The following NOVA1 variants were observed in gnomAD, a reference collection of about 807,000 sequenced individuals.
NOVA1 encodes the protein NOVA alternative splicing regulator 1.
Under a neutral mutation model 38.0 loss-of-function variants are expected in NOVA1, and 7 were observed. The ratio of observed to expected loss-of-function variants is 0.18; its 90% CI spans 0.10 to 0.35. The LOEUF (loss-of-function observed/expected upper bound fraction) is 0.35, where lower values mean the gene tolerates loss of function less well. NOVA1 is among the 10% of genes least tolerant of loss of function. NOVA1 has a pLI of 1.00. For missense variants in NOVA1, 460 were observed against 616.0 expected (o/e 0.75, Z 2.68); for synonymous variants, 270 against 232.5 (o/e 1.16, Z -1.47).
chr14:26,549,269 T>C (rs895218539), intron 2 of NOVA1: 3 of 151,356 alleles, frequency 2.0e-5, no homozygotes, highest in African/African-American at 7.3e-5. Flanking sequence ...AAAGAAAGTA[T>C]TAAAACCAAG....
chr14:26,597,347 C>T lies in NOVA1; in HGVS notation c.90G>A (p.Leu30=). Residue 30 remains leucine, a synonymous_variant, in exon 1 of 5, where the codon CTG becomes CTA. Transcript: ENST00000539517. ...TGCTGCCGGCTTCAGGGGGGGCTTCCAGCGGCCTTTTCCGCGAGTCCGGCG... is the reference window on the plus strand; with the variant it reads ...TGCTGCCGGCTTCAGGGGGGGCTTCTAGCGGCCTTTTCCGCGAGTCCGGCG... ...LDPPDSRKRP[L]EAPPEAGSTK... is the part of the protein sequence containing the mutation. 1 of 1,267,208 alleles carries T rather than the reference C, an allele frequency of 7.9e-7. No homozygotes were observed. Among genetic ancestry groups the T allele is most frequent in the Non-Finnish European group, 1.0e-6 (1 of 998,270 alleles). 78.5% of individuals were successfully genotyped at this position (1,267,208 alleles called of 1,614,324 possible). A position where few individuals can be genotyped will look rare whatever the true frequency, so the allele number is the denominator to read the frequency against.
intron 2 of NOVA1, among the ~76,000 whole-genome samples, chr14:26,543,543 GCC>G (rs1890601373): frequency 6.6e-6 from 1 of 151,850 alleles, no homozygotes; most frequent in South Asian, 2.1e-4. Flanking sequence ...TATTCTAACT[GCC>G]AAGACCAATA....
chr14:26,512,368 T>C (rs1206449449), intron 2 of NOVA1, among the ~76,000 whole-genome samples: 1 of 152,196 alleles, frequency 6.6e-6, no homozygotes, highest in Non-Finnish European at 1.5e-5. Context: ...GAGGTGATTC[T>C]GAGGGAATAG....
chr14:26,528,038 G>C (rs910244747), intron 2 of NOVA1, among the ~76,000 whole-genome samples: 3 of 152,170 alleles, frequency 2.0e-5, no homozygotes, highest in African/African-American at 4.8e-5. Context: ...CAATTCCCCA[G>C]AAGGGTCCCT....
chr14:26,474,979 T>C (rs1384389847), intron 3 of NOVA1, among the ~76,000 whole-genome samples: 3 of 151,998 alleles, frequency 2.0e-5, no homozygotes, highest in Non-Finnish European at 4.4e-5. Flanking sequence ...TTTTAAATAC[T>C]AGGAGAAAAA....
chr14:26,559,533 T>A (rs977357167), intron 2 of NOVA1, among the ~76,000 whole-genome samples: 5 of 152,170 alleles, frequency 3.3e-5, no homozygotes, highest in African/African-American at 1.2e-4. Context: ...CTATACCACA[T>A]ACACATGGAA....
chr14:26,452,141 A>G (rs1041332166), intron 4 of NOVA1, among the ~76,000 whole-genome samples: 2 of 152,200 alleles, frequency 1.3e-5, no homozygotes, highest in Non-Finnish European at 2.9e-5. Context: ...TTATCACCCA[A>G]TTTTTATTTT....
At chr14:26,576,755 T>C (rs1415788198) in intron 2 of NOVA1, among the ~76,000 whole-genome samples, 6 of 151,594 alleles carry the variant, frequency 4.0e-5, no homozygotes, top group East Asian at 2.0e-4. Context: ...TTTTTTATTA[T>C]TGTATATACT....
chr14:26,509,105 T>C (rs1022910394), intron 2 of NOVA1, among the ~76,000 whole-genome samples: 3 of 152,140 alleles, frequency 2.0e-5, no homozygotes, highest in Non-Finnish European at 4.4e-5. Flanking sequence ...CAAGAAACAA[T>C]TCATACAGAA....
intron 4 of NOVA1, among the ~76,000 whole-genome samples, chr14:26,450,403 A>ACACC (rs60434836): frequency 5.9e-5 from 9 of 151,838 alleles, no homozygotes; most frequent in Non-Finnish European, 1.0e-4. Context: ...ACACACACAC[A>ACACC]AACCTCATTT....
chr14:26,485,420 C>T (rs1053555209), intron 2 of NOVA1, among the ~76,000 whole-genome samples: 3 of 151,758 alleles, frequency 2.0e-5, no homozygotes, highest in African/African-American at 2.4e-5. Context: ...AAAAAGGGCA[C>T]GTGGTAAAAG....
At chr14:26,505,553 AGTT>A (rs1887584344) in intron 2 of NOVA1, among the ~76,000 whole-genome samples, 1 of 152,188 alleles carries the variant, frequency 6.6e-6, no homozygotes, top group African/African-American at 2.4e-5. Context: ...AGTCTCAGGT[AGTT>A]GTTTATAGCA....
At position 26,589,965 on chromosome 14, in the gene NOVA1, A is replaced by G. The variant is rs138610840; in HGVS notation, c.280+5445T>C. Among the ~76,000 whole-genome samples, 25 of 151,954 alleles carry G rather than the reference A, an allele frequency of 1.6e-4. No homozygotes were observed. The East Asian group carries it at 4.6e-3, about 28-fold the overall frequency. ...TTCCTTGCATGTTGCGTTTTATACC[A>G]TGACACTTCAGTCTCTGAGGGTCAG... On this transcript the variant is annotated intron_variant, in intron 2 of 4. Coordinates refer to ENST00000539517, the MANE Select transcript of NOVA1 (RefSeq NM_002515.3).
intron 2 of NOVA1, among the ~76,000 whole-genome samples, chr14:26,482,382 T>C (rs898417249): frequency 6.6e-6 from 1 of 152,172 alleles, no homozygotes; most frequent in Non-Finnish European, 1.5e-5. Flanking sequence ...ATTCTTCTAC[T>C]GAACTTATGG....
intron 2 of NOVA1, among the ~76,000 whole-genome samples, chr14:26,555,871 T>A (rs921510294): frequency 3.3e-5 from 5 of 152,152 alleles, no homozygotes; most frequent in Non-Finnish European, 7.4e-5. Context: ...AAGACTTATG[T>A]TAACGTTTCT....
intron 2 of NOVA1, among the ~76,000 whole-genome samples, chr14:26,567,179 A>C (rs543191588): frequency 1.3e-5 from 2 of 152,312 alleles, no homozygotes; most frequent in South Asian, 4.1e-4. Context: ...AATCCTATAA[A>C]AATAATGTAG....
intron 2 of NOVA1, among the ~76,000 whole-genome samples, chr14:26,574,834 T>A (rs1006460148): frequency 1.3e-5 from 2 of 151,474 alleles, no homozygotes; most frequent in Non-Finnish European, 2.9e-5. Context: ...TTAAAAAAAT[T>A]TTTTTTTTGT....
rs576543476 is a variant in NOVA1 at position 26,510,500 on chromosome 14, G to T, written c.281-30357C>A. ...TAAAGGAAACTTAAAAGTTGCAAAG[G>T]TCAAGGATACATACTCTCTTTTAAA... On this transcript the variant is annotated intron_variant, in intron 2 of 4. Coordinates refer to ENST00000539517, the MANE Select transcript of NOVA1 (RefSeq NM_002515.3). 4.5e-4 allele frequency among the ~76,000 whole-genome samples: 68 copies of T among 152,206 alleles called. 2 individuals are homozygous for T. The East Asian group carries it at 8.5e-3, about 19-fold the overall frequency.
chr14:26,460,172 A>C (rs1437075189), intron 4 of NOVA1, among the ~76,000 whole-genome samples: 3 of 151,996 alleles, frequency 2.0e-5, no homozygotes, highest in Admixed American at 6.6e-5. Context: ...CATTTTAAAA[A>C]ATAAAATAAA....
Sources: gnomAD v4.1 joint callset for allele counts (sites outside exome capture counted in the v4.1 genomes callset) on GRCh38, gnomAD v4.1.1 for gene constraint, MANE v1.5 for transcripts, NCBI Gene and HGNC (gene_info 2026-07-23, HGNC 2026-07-21) for gene names.